Variants in ZNF69 observed in about 807,000 individuals in gnomAD.
ZNF69 encodes the protein zinc finger protein 69.
A neutral mutation model predicts 50.9 loss-of-function variants in ZNF69; 47 were observed. That is an observed-to-expected ratio of 0.92 (90% CI 0.73 to 1.18). The LOEUF (loss-of-function observed/expected upper bound fraction) is 1.18. Among genes scored for constraint, ZNF69 ranks in the 50% most tolerant of loss-of-function variants. ZNF69 has a pLI of 0.00. For synonymous variants in ZNF69, 216 were observed against 223.1 expected (o/e 0.97, Z 0.29); for missense variants, 717 against 675.1 (o/e 1.06, Z -0.69).
At chr19:11,938,636 C>G in the ZNF69 span, among the ~76,000 whole-genome samples, 2 of 151,648 alleles carry the variant, frequency 1.3e-5, no homozygotes, top group Admixed American at 6.6e-5. Context: ...CCTATGACAT[C>G]TGGGTTGGTT....
chr19:11,919,884 T>C, the ZNF69 span, among the ~76,000 whole-genome samples: 1 of 152,122 alleles, frequency 6.6e-6, no homozygotes, highest in Admixed American at 6.6e-5. Flanking sequence ...GAGTCCATGG[T>C]ATTTTGTTAT....
At chr19:11,910,364 G>A (rs1205891029), downstream of ZNF69, among the ~76,000 whole-genome samples, 1 of 152,080 alleles carries the variant, frequency 6.6e-6, no homozygotes, top group Non-Finnish European at 1.5e-5. Flanking sequence ...ACATTGCCAA[G>A]ACAATCCTAA....
intron 1 of ZNF69, among the ~76,000 whole-genome samples, chr19:11,898,352 G>A (rs894234935): frequency 4.1e-5 from 6 of 147,580 alleles, no homozygotes; most frequent in Non-Finnish European, 8.9e-5. Context: ...CAGAGTTCCC[G>A]CAGTTTTCTT....
chr19:11,966,700 T>G, the ZNF69 span, among the ~76,000 whole-genome samples: 1 of 152,280 alleles, frequency 6.6e-6, no homozygotes, highest in African/African-American at 2.4e-5. Context: ...AGTTTGCAGG[T>G]TGAAGACTGG....
At chr19:11,947,743 C>G in the ZNF69 span, among the ~76,000 whole-genome samples, 1 of 152,346 alleles carries the variant, frequency 6.6e-6, no homozygotes, top group East Asian at 1.9e-4. Context: ...TGAGGGCTCA[C>G]TCCTGTAATC....
the ZNF69 span, among the ~76,000 whole-genome samples, chr19:11,963,074 T>TGAGAGA: frequency 1.5e-5 from 2 of 134,418 alleles, no homozygotes; most frequent in African/African-American, 3.4e-5. Flanking sequence ...GGTAGTTTGG[T>TGAGAGA]GAGAGAGAGA....
chr19:11,973,349 T>C, the ZNF69 span, among the ~76,000 whole-genome samples: 17 of 152,220 alleles, frequency 1.1e-4, no homozygotes, highest in Non-Finnish European at 2.5e-4. Context: ...CTTGAAGGTC[T>C]CTCGATACCT....
chr19:11,890,420 C>T (rs1379998243), intron 1 of ZNF69, among the ~76,000 whole-genome samples: 2 of 152,168 alleles, frequency 1.3e-5, no homozygotes, highest in Admixed American at 1.3e-4. Flanking sequence ...CCTGCACAGC[C>T]CTAAATCCAT....
chr19:11,945,158 T>C, the ZNF69 span, among the ~76,000 whole-genome samples: 3 of 152,144 alleles, frequency 2.0e-5, no homozygotes, highest in East Asian at 5.8e-4. Flanking sequence ...GGGACTGACA[T>C]AAGTTTTTCC....
chr19:11,936,158 A>G, the ZNF69 span, among the ~76,000 whole-genome samples: 1 of 150,600 alleles, frequency 6.6e-6, no homozygotes, highest in Non-Finnish European at 1.5e-5. Flanking sequence ...AATAGTGAAT[A>G]TTGCTTTATA....
the ZNF69 span, among the ~76,000 whole-genome samples, chr19:11,965,557 G>A: frequency 1.3e-5 from 2 of 152,256 alleles, no homozygotes; most frequent in African/African-American, 4.8e-5. Context: ...GTGCGTGGGA[G>A]GAGCAGTGGT....
chr19:11,899,383 C>T (rs73003914), intron 1 of ZNF69, among the ~76,000 whole-genome samples: 1,881 of 152,288 alleles, frequency 0.012, 21 homozygotes, highest in South Asian at 0.025. Context: ...CCTGCCTGAG[C>T]TTCCCAAATG....
At chr19:11,895,959 C>T (rs1296051128) in intron 1 of ZNF69, among the ~76,000 whole-genome samples, 1 of 152,088 alleles carries the variant, frequency 6.6e-6, no homozygotes, top group Non-Finnish European at 1.5e-5. Context: ...GTGGCTGACG[C>T]CTGTAATCCC....
intron 1 of ZNF69, among the ~76,000 whole-genome samples, chr19:11,897,838 C>T (rs1166162727): frequency 1.3e-5 from 2 of 148,268 alleles, no homozygotes; most frequent in Admixed American, 1.4e-4. Flanking sequence ...CGCCACTGCA[C>T]TCCAGCCTGG....
the ZNF69 span, among the ~76,000 whole-genome samples, chr19:11,976,621 C>A: frequency 6.8e-6 from 1 of 148,054 alleles, no homozygotes; most frequent in African/African-American, 2.5e-5. Flanking sequence ...AATTTCAGCA[C>A]TTTGGGAGGC....
intron 1 of ZNF69, among the ~76,000 whole-genome samples, chr19:11,891,548 G>A (rs1568271788): frequency 1.3e-5 from 2 of 152,258 alleles, no homozygotes; most frequent in South Asian, 4.1e-4. Flanking sequence ...TAGGGATCTT[G>A]TCTATGTAAA....
the ZNF69 span, among the ~76,000 whole-genome samples, chr19:11,938,519 A>G: frequency 6.6e-6 from 1 of 152,120 alleles, no homozygotes; most frequent in Non-Finnish European, 1.5e-5. Context: ...TTTGCTCAGA[A>G]TAATGGTTTC....
At chr19:11,920,564 A>G in the ZNF69 span, among the ~76,000 whole-genome samples, 1 of 152,128 alleles carries the variant, frequency 6.6e-6, no homozygotes, top group African/African-American at 2.4e-5. Context: ...GGATTAAGGC[A>G]TGGGAAACTG....
the ZNF69 span, among the ~76,000 whole-genome samples, chr19:11,951,168 A>C: frequency 6.7e-6 from 1 of 148,626 alleles, no homozygotes; most frequent in Non-Finnish European, 1.5e-5. Context: ...AAAAAAAAAA[A>C]GAAAGAAATT....
Sources: gnomAD v4.1 joint callset for allele counts (sites outside exome capture counted in the v4.1 genomes callset) on GRCh38, gnomAD v4.1.1 for gene constraint, MANE v1.5 for transcripts, NCBI Gene and HGNC (gene_info 2026-07-23, HGNC 2026-07-21) for gene names.